Variants in CCAR1 observed in about 807,000 individuals in gnomAD.
CCAR1 encodes the protein cell division cycle and apoptosis regulator 1.
In CCAR1, 78 loss-of-function variants were observed where a neutral mutation model predicts 163.8. That is an observed-to-expected ratio of 0.48 (90% CI 0.40 to 0.57). The LOEUF (loss-of-function observed/expected upper bound fraction) is 0.57, where lower values mean the gene tolerates loss of function less well. Among genes scored for constraint, CCAR1 ranks in the 20% least tolerant of loss-of-function variants. The pLI is 0.00. For missense variants in CCAR1, 1,019 were observed against 1,365.2 expected (o/e 0.75, Z 4.00); for synonymous variants, 443 against 460.7 (o/e 0.96, Z 0.49).
Position 68,765,904 on chromosome 10 carries a change from G to A in CCAR1, c.2123G>A (p.Arg708His), listed in dbSNP as rs1263163997. Residue 708 changes from arginine (R) to histidine (H), a missense_variant, in exon 17 of 25, where the codon CGT (arginine) becomes CAT (histidine). By Grantham distance (29) the Arg-to-His change is conservative. Coordinates refer to ENST00000265872, the MANE Select transcript of CCAR1 (RefSeq NM_018237.4). The stretch of plus-strand genomic sequence containing the variant: ...AATATTTAGGAAGAAGAAAGGAAAC[G>A]TCAAGAGGAAATAGAACGCCAGCGT... ...EDDKEEEERK[R>H]QEEIERQRRE... 14 of 1,612,508 alleles carry A rather than the reference G, an allele frequency of 8.7e-6. No homozygotes were observed. The highest frequency in any genetic ancestry group is 4.0e-5 in the African/African-American group (3 of 74,860).
At chr10:68,749,412 T>G in intron 9 of CCAR1, 112 bp from the exon 10 acceptor site, 1 of 1,268,014 alleles carries the variant, frequency 7.9e-7, no homozygotes, top group East Asian at 2.6e-5. Context: ...TTTTAAAAAG[T>G]TAAACAAATA....
intron 5 of CCAR1, among the ~76,000 whole-genome samples, chr10:68,741,451 C>T (rs1237227808): frequency 2.0e-5 from 3 of 152,172 alleles, no homozygotes; most frequent in Non-Finnish European, 4.4e-5. Flanking sequence ...TCTATTTTTA[C>T]AACCTTTTGA....
At chr10:68,722,647 G>A in intron 2 of CCAR1, 70 bp downstream of exon 2, 3 of 1,207,736 alleles carry the variant, frequency 2.5e-6, no homozygotes, top group Non-Finnish European at 2.4e-6. Flanking sequence ...AATTAGGGCC[G>A]GGGGTGGTGG....
chr10:68,778,082 G>A (rs2056690323), intron 19 of CCAR1, among the ~76,000 whole-genome samples: 1 of 152,084 alleles, frequency 6.6e-6, no homozygotes. Flanking sequence ...TGGGTGTGGT[G>A]GTACATGCCT....
chr10:68,730,165 C>T (rs1247057543), intron 2 of CCAR1, among the ~76,000 whole-genome samples: 1 of 151,830 alleles, frequency 6.6e-6, no homozygotes, highest in Non-Finnish European at 1.5e-5. Context: ...CCTGATCCAC[C>T]CGTGTCGTCT....
intron 18 of CCAR1, 143 bp from the exon 19 acceptor site, chr10:68,772,845 T>C (rs1260682651): frequency 3.2e-6 from 1 of 312,112 alleles, no homozygotes; most frequent in Non-Finnish European, 6.0e-6. Context: ...CTGTGGTGGC[T>C]CACGCCTATA....
chr10:68,755,108 T>C lies in CCAR1; in HGVS notation c.1459-262T>C, dbSNP rs1029737992. On this transcript the variant is annotated intron_variant, in intron 12 of 24. Transcript: ENST00000265872. ...GATTCAGAGTGTCTTTGGATGTTGT[T>C]GAAGTTTGAATTATAGCTTGTTTCT... is the stretch of plus-strand genomic sequence containing the variant. The C allele has an allele frequency of 3.8e-5, 26 of 684,964 alleles. No homozygotes were observed. In the African/African-American group the frequency reaches 4.1e-4, roughly 11 times the overall value. The allele number at this position is 684,964 out of a possible 1,614,324, so 42.4% of individuals were successfully genotyped here. A position where few individuals can be genotyped will look rare whatever the true frequency, so the allele number is the denominator to read the frequency against.
chr10:68,766,190 T>TTCTTG, intron 17 of CCAR1, 111 bp downstream of exon 17: 1 of 747,162 alleles, frequency 1.3e-6, no homozygotes. Context: ...TTCGTGGTTT[T>TTCTTG]TTTTGTTTTG....
At chr10:68,777,418 C>T (rs557200457) in intron 19 of CCAR1, among the ~76,000 whole-genome samples, 3 of 152,202 alleles carry the variant, frequency 2.0e-5, no homozygotes, top group African/African-American at 7.2e-5. Context: ...TGGTGGCTCA[C>T]GCCTGTAATC....
intron 6 of CCAR1, among the ~76,000 whole-genome samples, chr10:68,743,472 G>A (rs751864034): frequency 5.3e-5 from 8 of 151,712 alleles, no homozygotes; most frequent in Non-Finnish European, 8.8e-5. Flanking sequence ...GGCCTTAGCT[G>A]TAATATTGTA....
chr10:68,766,856 GT>G (rs1405016470), intron 17 of CCAR1, among the ~76,000 whole-genome samples: 1 of 152,010 alleles, frequency 6.6e-6, no homozygotes, highest in Non-Finnish European at 1.5e-5. Context: ...GTTTTTTTGA[GT>G]TTCTGTTGTT....
rs528506404 is a variant in CCAR1, at chr10:68,758,364, TTTAAAA to T, written c.1920+994_1920+999del. 2.9e-3 allele frequency among the ~76,000 whole-genome samples: 440 copies of T among 151,952 alleles called. 3 individuals are homozygous for T. The highest frequency in any genetic ancestry group is 0.01 in the African/African-American group (427 of 41,418). Reference sequence around the variant, plus strand: ...GCTACTGCGCCCAGCCTAAAATATATTTAAAATTAAAACATAGATTGATACACATCT... The same window carrying T: ...GCTACTGCGCCCAGCCTAAAATATATTTAAAACATAGATTGATACACATCT... On this transcript the variant is annotated intron_variant, in intron 15 of 24. Coordinates refer to ENST00000265872, the MANE Select transcript of CCAR1 (RefSeq NM_018237.4).
In CCAR1 at chr10:68,749,242, G is replaced by C; in HGVS notation, c.933G>C (p.Val311=). 6.2e-7 allele frequency: 1 copy of C among 1,610,116 alleles called. No individual in the cohort carries two copies. The highest frequency in any genetic ancestry group is 8.5e-7 in the Non-Finnish European group (1 of 1,179,094). The change falls in exon 9 of 25, where the codon GTG becomes GTC. Residue 311 remains valine, a synonymous_variant. Coordinates refer to ENST00000265872, the MANE Select transcript of CCAR1 (RefSeq NM_018237.4). ...GAAGAAATGACAGAGGGGATCAAGT[G>C]CCTAACAGAAAAGATGATCGAAGGT... ...FSGRNDRGDQ[V]PNRKDDRSRE...
intron 15 of CCAR1, among the ~76,000 whole-genome samples, chr10:68,758,503 A>AGTGT (rs71028777): frequency 0.038 from 4,759 of 124,546 alleles, 127 homozygotes; most frequent in East Asian, 0.083. Flanking sequence ...CATCCTGGGC[A>AGTGT]GTGTGTGTGT....
At chr10:68,758,532 GTGTGTGTGTGTGTA>G (rs1355870993) in intron 15 of CCAR1, among the ~76,000 whole-genome samples, 14 of 147,474 alleles carry the variant, frequency 9.5e-5, no homozygotes, top group Admixed American at 6.7e-5. Context: ...GTGTGTGTGT[GTGTGTGTGTGTGTA>G]TACAGTGTAT....
intron 16 of CCAR1, among the ~76,000 whole-genome samples, chr10:68,761,480 G>A (rs1023930020): frequency 6.6e-6 from 1 of 151,866 alleles, no homozygotes; most frequent in African/African-American, 2.4e-5. Context: ...CTAATTTTTT[G>A]TATTTTTAGT....
intron 2 of CCAR1, among the ~76,000 whole-genome samples, chr10:68,731,725 G>C (rs1337121090): frequency 6.6e-6 from 1 of 151,412 alleles, no homozygotes; most frequent in East Asian, 1.9e-4. Flanking sequence ...GAAGAAGCTG[G>C]GATTACAGGC....
rs760988939 is a variant in CCAR1 at position 68,754,016 on chromosome 10, C to G, written c.1283C>G (p.Ser428Cys). The change falls in exon 11 of 25, where the codon TCC (serine) becomes TGC (cysteine). Residue 428 changes from serine (S) to cysteine (C), a missense_variant. Around this residue, in one of 4 missense-constraint regions of CCAR1, gnomAD observed 644 missense variants for 904.4 expected, o/e 0.71. Coordinates refer to ENST00000265872, the MANE Select transcript of CCAR1 (RefSeq NM_018237.4). The stretch of plus-strand genomic sequence containing the variant: ...TATGTAATGCACAGAGAAGTAGAGT[C>G]CTTAGAAAAAAATATGGCCATTCTT... ...NFYVMHREVE[S>C]LEKNMAILDP... 1 of 1,613,854 alleles carries G rather than the reference C, an allele frequency of 6.2e-7. No homozygotes were observed. The highest frequency in any genetic ancestry group is 8.5e-7 in the Non-Finnish European group (1 of 1,179,890).
intron 10 of CCAR1, among the ~76,000 whole-genome samples, chr10:68,753,640 CTG>C: frequency 6.6e-6 from 1 of 152,114 alleles, no homozygotes; most frequent in East Asian, 1.9e-4. Context: ...AAGGATAACA[CTG>C]AGAATACTAT....
Sources: allele counts gnomAD v4.1 joint callset (sites outside exome capture counted in the v4.1 genomes callset), GRCh38; gene constraint gnomAD v4.1.1; regional missense constraint gnomAD v4.1.1; transcripts MANE v1.5; gene names NCBI Gene and HGNC (gene_info 2026-07-23, HGNC 2026-07-21).